Variants in PANK1 observed in about 807,000 individuals in gnomAD.
PANK1 encodes pantothenic acid kinase 1.
Under a neutral mutation model 40.1 loss-of-function variants are expected in PANK1, and 18 were observed. The ratio of observed to expected loss-of-function variants is 0.45; its 90% CI spans 0.31 to 0.67. The LOEUF (loss-of-function observed/expected upper bound fraction) is 0.67. Ranked by LOEUF, PANK1 falls within the 30% of genes least tolerant of loss-of-function variation. The probability of loss-of-function intolerance (pLI) is 0.06; values close to 1 mark genes in which losing one functional copy is unlikely to be tolerated. For missense variants in PANK1, 457 were observed against 599.6 expected (o/e 0.76, Z 2.48); for synonymous variants, 242 against 237.7 (o/e 1.02, Z -0.17).
chr10:89,592,961 C>A (rs145794032), intron 5 of PANK1: 174 of 554,474 alleles, frequency 3.1e-4, no homozygotes, highest in African/African-American at 2.9e-3. Context: ...GTAATTGTAT[C>A]CTGTTTCCAC....
intron 1 of PANK1, among the ~76,000 whole-genome samples, chr10:89,617,840 T>C (rs1003613550): frequency 1.3e-5 from 2 of 152,176 alleles, no homozygotes; most frequent in Non-Finnish European, 2.9e-5. Context: ...ATAAAATAGA[T>C]GAGAAACCGA....
At chr10:89,627,912 C>G (rs1208547732) in intron 1 of PANK1, among the ~76,000 whole-genome samples, 2 of 151,986 alleles carry the variant, frequency 1.3e-5, no homozygotes, top group Non-Finnish European at 1.5e-5. Context: ...AGCTCTGGCC[C>G]ATAACAGGCA....
intron 1 of PANK1, among the ~76,000 whole-genome samples, chr10:89,640,426 C>T (rs974591042): frequency 6.6e-6 from 1 of 152,098 alleles, no homozygotes; most frequent in Middle Eastern, 3.4e-3. Flanking sequence ...AACACACACA[C>T]GATTACCCAA....
At chr10:89,635,680 T>A (rs1841783250) in intron 1 of PANK1, among the ~76,000 whole-genome samples, 1 of 152,142 alleles carries the variant, frequency 6.6e-6, no homozygotes, top group East Asian at 1.9e-4. Flanking sequence ...ATGTACACAG[T>A]CTCATCTGAA....
intron 1 of PANK1, among the ~76,000 whole-genome samples, chr10:89,621,026 G>T (rs1461518626): frequency 1.3e-5 from 2 of 152,174 alleles, no homozygotes; most frequent in Admixed American, 6.5e-5. Context: ...TTAAGGCCGG[G>T]TGCGGTGGTT....
At chr10:89,609,076 C>T (rs1732268838) in intron 2 of PANK1, among the ~76,000 whole-genome samples, 1 of 152,112 alleles carries the variant, frequency 6.6e-6, no homozygotes, top group African/African-American at 2.4e-5. Flanking sequence ...TATTCACTTT[C>T]TTTTTTGAGA....
chr10:89,601,625 C>T (rs7071963), intron 2 of PANK1, among the ~76,000 whole-genome samples: 7,242 of 152,190 alleles, frequency 0.048, 217 homozygotes, highest in African/African-American at 0.086. Flanking sequence ...ACCTGCAGAA[C>T]GGAATTAGTT....
At chr10:89,606,920 G>A (rs1168669306) in intron 2 of PANK1, among the ~76,000 whole-genome samples, 1 of 152,192 alleles carries the variant, frequency 6.6e-6, no homozygotes, top group Non-Finnish European at 1.5e-5. Context: ...TTGGCTTAAG[G>A]GAATGTTGTG....
intron 1 of PANK1, among the ~76,000 whole-genome samples, chr10:89,615,734 C>G (rs12219790): frequency 6.6e-6 from 1 of 152,002 alleles, no homozygotes; most frequent in Non-Finnish European, 1.5e-5. Flanking sequence ...TATCTTACCT[C>G]CATGAAAAAT....
At chr10:89,605,487 G>T (rs574664501) in intron 2 of PANK1, among the ~76,000 whole-genome samples, 3 of 152,308 alleles carry the variant, frequency 2.0e-5, no homozygotes, top group Admixed American at 6.5e-5. Flanking sequence ...TCCATCTCAA[G>T]AAACCATTTT....
intron 1 of PANK1, among the ~76,000 whole-genome samples, chr10:89,623,871 G>T (rs1271959129): frequency 6.6e-6 from 1 of 152,180 alleles, no homozygotes; most frequent in East Asian, 1.9e-4. Flanking sequence ...CCCTCAGGGT[G>T]GGAAGAGGCT....
chr10:89,644,470 G>A, intron 1 of PANK1, 130 bp downstream of exon 1: 3 of 755,414 alleles, frequency 4.0e-6, no homozygotes, highest in South Asian at 3.7e-5. Context: ...AACCTACTCT[G>A]TGCAGTCCCT....
intron 5 of PANK1, among the ~76,000 whole-genome samples, chr10:89,590,800 G>A (rs1284945724): frequency 6.6e-6 from 1 of 152,050 alleles, no homozygotes; most frequent in Non-Finnish European, 1.5e-5. Context: ...ACGTCAAAAA[G>A]CAAAAGGCAG....
intron 2 of PANK1, among the ~76,000 whole-genome samples, chr10:89,608,399 A>G (rs576805314): frequency 6.6e-6 from 1 of 152,324 alleles, no homozygotes; most frequent in South Asian, 2.1e-4. Flanking sequence ...GAAGAAAAAA[A>G]GAAGGAAAGA....
Position 89,584,233 on chromosome 10 carries a change from C to A in PANK1, c.*173G>T. 1 of 566,842 alleles carries A rather than the reference C, an allele frequency of 1.8e-6. No individual in the cohort carries two copies. Among genetic ancestry groups the A allele is most frequent in the Non-Finnish European group, 3.2e-6 (1 of 311,396 alleles). The allele number at this position is 566,842 out of a possible 1,614,324, so 35.1% of individuals were successfully genotyped here. ...ATATTCCCCCGTTTTGAATCATTAGCTCAAAACCTAAGAGTAAAAGATCAT... is the reference window on the plus strand; with the variant it reads ...ATATTCCCCCGTTTTGAATCATTAGATCAAAACCTAAGAGTAAAAGATCAT... On this transcript the variant is annotated 3_prime_UTR_variant, in exon 7 of 7. Coordinates refer to ENST00000307534, the MANE Select transcript of PANK1 (RefSeq NM_148977.3).
Position 89,610,622 on chromosome 10 carries a change from C to A in PANK1, c.645+1074G>T, listed in dbSNP as rs118106187. ...TTTGCATTTATAGCTTTATTAAATA[C>A]CATGAATGTGCACTGATTGATTAAT... On this transcript the variant is annotated intron_variant, in intron 2 of 6. Coordinates refer to ENST00000307534, the MANE Select transcript of PANK1 (RefSeq NM_148977.3). Among the ~76,000 whole-genome samples the A allele has an allele frequency of 8.2e-3, 1,244 of 152,228 alleles. 8 individuals are homozygous for A. Among genetic ancestry groups the A allele is most frequent in the Non-Finnish European group, 0.013 (857 of 68,008 alleles).
Position 89,644,795 on chromosome 10 carries a change from T to G in PANK1, c.97A>C (p.Asn33His). The G allele has an allele frequency of 6.7e-7, 1 of 1,484,678 alleles. No individual in the cohort carries two copies. Among genetic ancestry groups the G allele is most frequent in the Non-Finnish European group, 8.9e-7 (1 of 1,124,912 alleles). 92.0% of individuals were successfully genotyped at this position (1,484,678 alleles called of 1,614,324 possible). ...TGGACTGGCGGCGGATGGAAGCCGT[T>G]GTGCAGCAGCCCGTTCACAGCGGCG... ...SAAAVNGLLH[N>H]GFHPPPVQPP... The change falls in exon 1 of 7, where the codon AAC (asparagine) becomes CAC (histidine). Residue 33 changes from asparagine to histidine, a missense_variant. Asn to His is a moderately conservative substitution (Grantham distance 68, BLOSUM62 1). Around this residue, in one of 4 missense-constraint regions of PANK1, gnomAD observed 144 missense variants for 131.2 expected, o/e 1.10. Transcript: ENST00000307534.
chr10:89,633,848 T>C (rs1038948115), intron 1 of PANK1, among the ~76,000 whole-genome samples: 2 of 152,194 alleles, frequency 1.3e-5, no homozygotes, highest in African/African-American at 4.8e-5. Flanking sequence ...TTACTTGATC[T>C]CCTTTATGAC....
intron 1 of PANK1, among the ~76,000 whole-genome samples, chr10:89,639,817 A>G (rs1326493200): frequency 6.6e-6 from 1 of 152,204 alleles, no homozygotes. Context: ...GGAGTATTTG[A>G]TGAGAGAATC....
Sources: allele counts gnomAD v4.1 joint callset (sites outside exome capture counted in the v4.1 genomes callset), GRCh38; gene constraint gnomAD v4.1.1; regional missense constraint gnomAD v4.1.1; transcripts MANE v1.5; gene names NCBI Gene and HGNC (gene_info 2026-07-23, HGNC 2026-07-21).